ZNF782: variants seen among roughly 807,000 people sequenced by gnomAD.
ZNF782 encodes the protein zinc finger protein 782.
ZNF782 carries 12 observed loss-of-function variants against 13.0 expected under a neutral mutation model. The observed-to-expected ratio is 0.92, with a 90% CI of 0.59 to 1.50. ZNF782 has a LOEUF of 1.50. Ranked by LOEUF, ZNF782 falls within the 40% of genes most tolerant of loss-of-function variation. ZNF782 has a pLI of 0.00. For missense variants in ZNF782, 770 were observed against 822.9 expected, an observed-to-expected ratio of 0.94 and a Z score of 0.79; for synonymous variants, 284 against 283.0, an observed-to-expected ratio of 1.00 and a Z score of -0.04.
chr9:96,924,900 C>T, the ZNF782 span, among the ~76,000 whole-genome samples: 3 of 152,242 alleles, frequency 2.0e-5, no homozygotes, highest in Non-Finnish European at 4.4e-5. Flanking sequence ...CGCAGGGCCC[C>T]GCTAAGGACC....
chr9:96,838,267 T>C (rs1442839837), intron 4 of ZNF782, among the ~76,000 whole-genome samples: 1 of 152,250 alleles, frequency 6.6e-6, no homozygotes, highest in Non-Finnish European at 1.5e-5. Flanking sequence ...TTTTCATTTG[T>C]TAAAGTGTGC....
chr9:96,912,342 T>C, the ZNF782 span, among the ~76,000 whole-genome samples: 2 of 145,274 alleles, frequency 1.4e-5, no homozygotes, highest in African/African-American at 5.0e-5. Flanking sequence ...CTGGCCAACA[T>C]GGCGAAACCC....
At chr9:96,886,325 C>T in the ZNF782 span, among the ~76,000 whole-genome samples, 1 of 151,814 alleles carries the variant, frequency 6.6e-6, no homozygotes, top group Admixed American at 6.6e-5. Context: ...GAAAGAGCAT[C>T]AAAAATGAGT....
chr9:96,876,699 C>G (rs911169175), upstream of ZNF782, among the ~76,000 whole-genome samples: 1 of 151,932 alleles, frequency 6.6e-6, no homozygotes, highest in African/African-American at 2.4e-5. Context: ...ATACGCACAA[C>G]GCAAAATAAG....
intron 1 of ZNF782, among the ~76,000 whole-genome samples, chr9:96,866,283 G>A (rs1851753172): frequency 6.6e-6 from 1 of 152,200 alleles, no homozygotes; most frequent in Non-Finnish European, 1.5e-5. Context: ...GTGCAGTCTA[G>A]GAACTTGGCG....
the ZNF782 span, chr9:96,931,774 T>G: frequency 1.2e-6 from 2 of 1,611,642 alleles, no homozygotes; most frequent in South Asian, 2.2e-5. Context: ...CCTCCCTGTC[T>G]GTGTTCACGG....
At chr9:96,864,539 C>A (rs1293730835) in intron 1 of ZNF782, among the ~76,000 whole-genome samples, 1 of 152,086 alleles carries the variant, frequency 6.6e-6, no homozygotes, top group Non-Finnish European at 1.5e-5. Flanking sequence ...CTGCTTATAT[C>A]TTAACTACTC....
At chr9:96,867,186 C>A (rs956895248) in intron 1 of ZNF782, among the ~76,000 whole-genome samples, 1 of 152,146 alleles carries the variant, frequency 6.6e-6, no homozygotes, top group African/African-American at 2.4e-5. Context: ...ACACCCAAAT[C>A]TCATCTTGAA....
chr9:96,931,640 T>C, the ZNF782 span: 9 of 1,512,048 alleles, frequency 6.0e-6, no homozygotes, highest in Non-Finnish European at 8.1e-6. Flanking sequence ...TGCCCTCAGC[T>C]GTTGGGACTC....
chr9:96,854,922 A>T (rs12350434), upstream of ZNF782, among the ~76,000 whole-genome samples: 31,744 of 147,490 alleles, frequency 0.22, 8,383 homozygotes, highest in African/African-American at 0.62. Flanking sequence ...TTTTTTTTTT[A>T]AAAAAAGGGA....
rs755359467 is a variant in ZNF782 at position 96,845,027 on chromosome 9, G to A, written c.16-11C>T. On this transcript the variant is annotated splice_polypyrimidine_tract_variant and intron_variant, in intron 3 of 5. Transcript: ENST00000481138. ...GAATGACACTGATGCCTGTAACAGC[G>A]CATTTCTAATTAATCTGAGTGTTCA... The A allele has an allele frequency of 3.5e-5, 57 of 1,613,590 alleles. No individual in the cohort carries two copies. Among genetic ancestry groups the A allele is most frequent in the South Asian group, 1.4e-4 (13 of 91,064 alleles).
the ZNF782 span, among the ~76,000 whole-genome samples, chr9:96,930,356 T>C: frequency 1.3e-5 from 2 of 152,014 alleles, no homozygotes; most frequent in Admixed American, 6.5e-5. Context: ...AAACCCCGTC[T>C]CTACTAAAAA....
At chr9:96,846,615 A>G (rs951444458) in intron 3 of ZNF782, among the ~76,000 whole-genome samples, 8 of 152,208 alleles carry the variant, frequency 5.3e-5, no homozygotes, top group African/African-American at 1.9e-4. Flanking sequence ...CCATATGATG[A>G]TAAAAGGATC....
chr9:96,898,783 G>C, the ZNF782 span, among the ~76,000 whole-genome samples: 2 of 147,890 alleles, frequency 1.4e-5, no homozygotes, highest in African/African-American at 5.1e-5. Flanking sequence ...CTGACCTCAG[G>C]TGATCCACCC....
At chr9:96,851,730 C>A (rs1851492594) in intron 3 of ZNF782, among the ~76,000 whole-genome samples, 1 of 152,188 alleles carries the variant, frequency 6.6e-6, no homozygotes, top group African/African-American at 2.4e-5. Context: ...TAATATAATT[C>A]ATGTGCATTC....
At chr9:96,831,099 G>C (rs1419195002) in intron 4 of ZNF782, among the ~76,000 whole-genome samples, 1 of 152,124 alleles carries the variant, frequency 6.6e-6, no homozygotes, top group Non-Finnish European at 1.5e-5. Flanking sequence ...TTCAGAAGGA[G>C]GGGAGAAAAG....
chr9:96,922,842 G>A, the ZNF782 span, among the ~76,000 whole-genome samples: 4 of 151,186 alleles, frequency 2.6e-5, no homozygotes, highest in Non-Finnish European at 4.4e-5. Context: ...AAGACATTAC[G>A]AAGAAACACA....
chr9:96,885,245 G>A, the ZNF782 span, among the ~76,000 whole-genome samples: 1 of 151,566 alleles, frequency 6.6e-6, no homozygotes, highest in Non-Finnish European at 1.5e-5. Context: ...ACAAGCAATT[G>A]CGATTTTTTT....
At position 96,827,098 on chromosome 9, in the gene ZNF782, G is replaced by C. The variant is rs1182321484; in HGVS notation, c.226C>G (p.Leu76Val). The C allele has an allele frequency of 1.2e-6, 2 of 1,611,008 alleles. No homozygotes were observed. Among genetic ancestry groups the C allele is most frequent in the Non-Finnish European group, 1.7e-6 (2 of 1,178,670 alleles). The part of the protein sequence containing the change: ...PWLLEKEKGF[L>V]SRNSPEDSQP... The stretch of plus-strand genomic sequence containing the variant: ...AACTCACCTGGGGAGTTCCTGCTTA[G>C]AAATCCTTTCTCTTTCTCTAATAAC... Residue 76 changes from leucine to valine, a missense_variant, in exon 5 of 6, where the codon CTA becomes GTA. Transcript: ENST00000481138.
Sources: gnomAD v4.1 joint callset for allele counts (sites outside exome capture counted in the v4.1 genomes callset) on GRCh38, gnomAD v4.1.1 for gene constraint, MANE v1.5 for transcripts, NCBI Gene and HGNC (gene_info 2026-07-23, HGNC 2026-07-21) for gene names.